Variants in OR6N1 observed in about 807,000 individuals in gnomAD.
OR6N1 encodes olfactory receptor family 6 subfamily N member 1.
For missense variants in OR6N1, 394 were observed against 371.7 expected (o/e 1.06, Z -0.49); for synonymous variants, 170 against 150.7 (o/e 1.13, Z -0.94).
At chr1:158,795,222 G>A in the OR6N1 span, among the ~76,000 whole-genome samples, 5 of 152,172 alleles carry the variant, frequency 3.3e-5, no homozygotes, top group East Asian at 9.6e-4. Flanking sequence ...CACACACTTG[G>A]CAGGTCAGGT....
Position 158,766,649 on chromosome 1 carries a change from A to G in OR6N1, c.34T>C (p.Phe12Leu), listed in dbSNP as rs1166991578. The G allele has an allele frequency of 1.9e-6, 3 of 1,612,966 alleles. No homozygotes were observed. Among genetic ancestry groups the G allele is most frequent in the Non-Finnish European group, 2.5e-6 (3 of 1,179,820 alleles). The part of the protein sequence containing the change: ...DTGNWSQVAE[F>L]IILGFPHLQG... ...AGATGGGGGAAGCCCAAGATGATGA[A>G]TTCTGCTACCTGGCTCCAGTTCCCT... Residue 12 changes from phenylalanine (F) to leucine (L), a missense_variant, in exon 2 of 2, where the codon TTC (phenylalanine) becomes CTC (leucine). By Grantham distance (22) the Phe-to-Leu change is conservative. Transcript: ENST00000641846.
At chr1:158,799,272 C>T in the OR6N1 span, among the ~76,000 whole-genome samples, 5 of 152,164 alleles carry the variant, frequency 3.3e-5, no homozygotes, top group African/African-American at 4.8e-5. Context: ...AAATGACGAA[C>T]GTACCCATAA....
At chr1:158,799,320 CA>C in the OR6N1 span, among the ~76,000 whole-genome samples, 2 of 152,076 alleles carry the variant, frequency 1.3e-5, no homozygotes, top group African/African-American at 4.8e-5. Context: ...TAAACATAGA[CA>C]AAAAATACCT....
chr1:158,770,317 TC>T (rs1657393210), intron 1 of OR6N1, among the ~76,000 whole-genome samples: 1 of 152,160 alleles, frequency 6.6e-6, no homozygotes, highest in African/African-American at 2.4e-5. Context: ...ATCAAAGTCA[TC>T]AGGATCCGAT....
chr1:158,788,260 A>T, the OR6N1 span, among the ~76,000 whole-genome samples: 4 of 152,222 alleles, frequency 2.6e-5, no homozygotes, highest in Non-Finnish European at 5.9e-5. Context: ...AATGGGATTA[A>T]TGTTAAGTCT....
the OR6N1 span, among the ~76,000 whole-genome samples, chr1:158,830,145 C>T: frequency 2.0e-5 from 3 of 152,150 alleles, no homozygotes; most frequent in South Asian, 2.1e-4. Context: ...TAACTCCTGT[C>T]GTGAGCTCTT....
At chr1:158,773,183 T>G (rs1226299030), upstream of OR6N1, among the ~76,000 whole-genome samples, 2 of 152,292 alleles carry the variant, frequency 1.3e-5, no homozygotes, top group East Asian at 3.9e-4. Flanking sequence ...AGATTTTTTT[T>G]TTTCAAACTG....
chr1:158,770,512 G>A (rs1019657146), intron 1 of OR6N1, among the ~76,000 whole-genome samples: 5 of 152,024 alleles, frequency 3.3e-5, no homozygotes, highest in African/African-American at 1.2e-4. Context: ...GATTGTAACT[G>A]CTAGTACTGA....
chr1:158,781,579 ACT>A, the OR6N1 span, among the ~76,000 whole-genome samples: 2 of 151,924 alleles, frequency 1.3e-5, no homozygotes, highest in Admixed American at 6.6e-5. Context: ...AAACACATGC[ACT>A]CTCACATTTC....
At chr1:158,820,119 C>T in the OR6N1 span, among the ~76,000 whole-genome samples, 1 of 152,226 alleles carries the variant, frequency 6.6e-6, no homozygotes, top group Non-Finnish European at 1.5e-5. Context: ...TTATCTGTAG[C>T]ATGAACATGT....
the OR6N1 span, among the ~76,000 whole-genome samples, chr1:158,820,469 T>C: frequency 6.6e-6 from 1 of 152,240 alleles, no homozygotes; most frequent in East Asian, 1.9e-4. Context: ...TGTAAGGTTG[T>C]TGGAAGAATT....
At chr1:158,810,668 C>T in the OR6N1 span, among the ~76,000 whole-genome samples, 1 of 152,132 alleles carries the variant, frequency 6.6e-6, no homozygotes, top group Non-Finnish European at 1.5e-5. Context: ...AAATCCAACT[C>T]GTATATCCTT....
At chr1:158,838,376 T>C in the OR6N1 span, among the ~76,000 whole-genome samples, 1 of 152,088 alleles carries the variant, frequency 6.6e-6, no homozygotes, top group Admixed American at 6.6e-5. Context: ...TGGACAGACT[T>C]TTCTTTAAAC....
chr1:158,777,195 A>G, upstream of OR6N1: 2 of 1,614,138 alleles, frequency 1.2e-6, no homozygotes, highest in Non-Finnish European at 1.7e-6. Context: ...AAGTCCAACA[A>G]GCAGCAGCCA....
chr1:158,766,578 G>A lies in OR6N1; in HGVS notation c.105C>T (p.Tyr35=). 1.2e-6 allele frequency: 2 copies of A among 1,614,082 alleles called. No individual in the cohort carries two copies. Among genetic ancestry groups the A allele is most frequent in the Non-Finnish European group, 1.7e-6 (2 of 1,179,982 alleles). ...GCAGGTTTCCCAACACAGTCATGAG[G>A]TAAATGAGAAGCAACAAGAGGAAGA... The part of the protein sequence containing the change: ...IYLFLLLLLI[Y]LMTVLGNLLI... Residue 35 remains tyrosine (Y), a synonymous_variant, in exon 2 of 2, where the codon TAC becomes TAT. Coordinates refer to ENST00000641846, the MANE Select transcript of OR6N1 (RefSeq NM_001005185.2).
the OR6N1 span, among the ~76,000 whole-genome samples, chr1:158,825,335 A>C: frequency 1.3e-5 from 2 of 152,012 alleles, no homozygotes; most frequent in African/African-American, 4.8e-5. Context: ...GCTACTCGGG[A>C]GGCTGAGGCA....
the OR6N1 span, among the ~76,000 whole-genome samples, chr1:158,832,779 T>C: frequency 6.6e-6 from 1 of 152,064 alleles, no homozygotes; most frequent in Admixed American, 6.5e-5. Context: ...TTTCTCAAAC[T>C]TAAGTGAACT....
the OR6N1 span, among the ~76,000 whole-genome samples, chr1:158,795,645 A>T: frequency 2.6e-5 from 4 of 152,098 alleles, no homozygotes; most frequent in African/African-American, 9.7e-5. Context: ...TATTTTGCCC[A>T]CTGCTCCCTA....
the OR6N1 span, among the ~76,000 whole-genome samples, chr1:158,787,404 T>A: frequency 2.0e-5 from 3 of 152,016 alleles, no homozygotes; most frequent in South Asian, 4.2e-4. Flanking sequence ...AAAGGCCAAA[T>A]ACACTGTCAC....
Sources: allele counts gnomAD v4.1 joint callset (sites outside exome capture counted in the v4.1 genomes callset), GRCh38; gene constraint gnomAD v4.1.1; transcripts MANE v1.5; gene names NCBI Gene and HGNC (gene_info 2026-07-23, HGNC 2026-07-21).